EPHX3: variants seen among roughly 807,000 people sequenced by gnomAD.
The protein encoded by EPHX3 is epoxide hydrolase 3.
EPHX3 carries 39 observed loss-of-function variants against 40.2 expected under a neutral mutation model. The ratio of observed to expected loss-of-function variants is 0.97; its 90% CI spans 0.75 to 1.27. The LOEUF is 1.27. Among genes scored for constraint, EPHX3 ranks in the 50% most tolerant of loss-of-function variants. The probability of loss-of-function intolerance (pLI) is 0.00; values close to 1 mark genes in which losing one functional copy is unlikely to be tolerated. For synonymous variants in EPHX3, 213 were observed against 209.7 expected, an observed-to-expected ratio of 1.02 and a Z score of -0.14; for missense variants, 442 against 474.0, an observed-to-expected ratio of 0.93 and a Z score of 0.63.
intron 4 of EPHX3, among the ~76,000 whole-genome samples, chr19:15,228,549 C>T (rs1042567698): frequency 8.3e-5 from 9 of 108,576 alleles, no homozygotes; most frequent in Admixed American, 1.5e-4. Flanking sequence ...GACAGAGTCT[C>T]GCTCTGTCGC....
intron 4 of EPHX3, among the ~76,000 whole-genome samples, chr19:15,230,191 C>G (rs557466809): frequency 3.3e-5 from 5 of 152,052 alleles, no homozygotes; most frequent in Non-Finnish European, 5.9e-5. Flanking sequence ...ATTTTTGAGA[C>G]AGAGTCTCAC....
Position 15,232,019 on chromosome 19 carries a change from C to T in EPHX3, c.193G>A (p.Ala65Thr), listed in dbSNP as rs755453401. The change falls in exon 1 of 7, where the codon GCC (alanine) becomes ACC (threonine). Residue 65 changes from alanine to threonine, a missense_variant. Transcript: ENST00000221730. ...CCGRRRSASPACLSDPSLGEH... is the reference protein window; with the variant it reads ...CCGRRRSASPTCLSDPSLGEH... The stretch of plus-strand genomic sequence containing the variant: ...CCCAGCGAGGGGTCGCTCAGGCAGG[C>T]GGGGGACGCGCTCCGACGGCGCCCG... 2.5e-6 allele frequency: 4 copies of T among 1,598,938 alleles called. No individual in the cohort carries two copies. Among genetic ancestry groups the T allele is most frequent in the African/African-American group, 1.3e-5 (1 of 74,920 alleles).
At chr19:15,233,358 G>A (rs1196010306), upstream of EPHX3, 2 of 152,304 alleles carry the variant, frequency 1.3e-5, no homozygotes, top group Non-Finnish European at 2.9e-5. Flanking sequence ...CCACCCAGGG[G>A]CGCGCGACCC....
rs1341843231 is a variant in EPHX3 at position 15,227,788 on chromosome 19, G to A, written c.840C>T (p.Tyr280=). 6.2e-6 allele frequency: 10 copies of A among 1,613,896 alleles called. No homozygotes were observed. The highest frequency in any genetic ancestry group is 8.5e-6 in the Non-Finnish European group (10 of 1,180,008). ...QPGGLTGPLN[Y]YRNLFRNFPL... ...GGTCTCACCTGAAGAGGTTTCGGTA[G>A]TAGTTGAGGGGCCCAGTGAGGCCAC... The change falls in exon 6 of 7, where the codon TAC becomes TAT. Residue 280 remains tyrosine (Y), a synonymous_variant. Coordinates refer to ENST00000221730, the MANE Select transcript of EPHX3 (RefSeq NM_024794.3).
chr19:15,227,921 A>C lies in EPHX3; in HGVS notation c.721-14T>G, dbSNP rs1178824533. 1 of 1,614,046 alleles carries C rather than the reference A, an allele frequency of 6.2e-7. No individual in the cohort carries two copies. The highest frequency in any genetic ancestry group is 1.1e-5 in the South Asian group (1 of 91,076). On this transcript the variant is annotated splice_polypyrimidine_tract_variant and intron_variant, in intron 5 of 6. Coordinates refer to ENST00000221730, the MANE Select transcript of EPHX3 (RefSeq NM_024794.3). ...GGTCTTCAGAATCTAGGTACACAGC[A>C]GGACTCTGGCTTCAGTGCCCAGCCT... is the stretch of plus-strand genomic sequence containing the variant.
upstream of EPHX3, among the ~76,000 whole-genome samples, chr19:15,235,135 G>A (rs567312885): frequency 1.3e-5 from 2 of 152,118 alleles, no homozygotes; most frequent in South Asian, 2.1e-4. Flanking sequence ...CGGAGTAGCC[G>A]GGACTACAGG....
chr19:15,227,654 G>T lies in EPHX3; in HGVS notation c.866C>A (p.Pro289His), dbSNP rs755712358. Residue 289 changes from proline (P) to histidine (H), a missense_variant, in exon 7 of 7, where the codon CCC (proline) becomes CAC (histidine). Pro to His is a moderately conservative substitution (Grantham distance 77). Transcript: ENST00000221730. ...NYYRNLFRNF[P>H]LEPQELTTPT... The stretch of plus-strand genomic sequence containing the variant: ...TGTGGTCAGCTCCTGGGGTTCCAGG[G>T]GGAAGTTCCTGTGGCCAGGACAGAC... 4 of 1,613,898 alleles carry T rather than the reference G, an allele frequency of 2.5e-6. No individual in the cohort carries two copies. The African/African-American group carries it at 5.3e-5, about 22-fold the overall frequency.
Position 15,227,631 on chromosome 19 carries a change from T to C in EPHX3, c.889A>G (p.Thr297Ala). The part of the protein sequence containing the change: ...NFPLEPQELT[T>A]PTLLLWGEKD... Reference sequence around the variant, plus strand: ...TCCCCCCACAGCAGCAATGTGGGTGTGGTCAGCTCCTGGGGTTCCAGGGGG... The same window carrying C: ...TCCCCCCACAGCAGCAATGTGGGTGCGGTCAGCTCCTGGGGTTCCAGGGGG... Residue 297 changes from threonine to alanine, a missense_variant, in exon 7 of 7, where the codon ACA (threonine) becomes GCA (alanine). By Grantham distance (58) the Thr-to-Ala change is moderately conservative (BLOSUM62 0). Transcript: ENST00000221730. 1.2e-6 allele frequency: 2 copies of C among 1,614,022 alleles called. No individual in the cohort carries two copies. Among genetic ancestry groups the C allele is most frequent in the Non-Finnish European group, 1.7e-6 (2 of 1,180,004 alleles).
intron 1 of EPHX3, 22 bp downstream of exon 1, chr19:15,231,947 G>A (rs780515521): frequency 1.2e-6 from 2 of 1,612,536 alleles, no homozygotes; most frequent in Non-Finnish European, 1.7e-6. Context: ...CCGCAGCCCC[G>A]ATAGCGCCCC....
At chr19:15,233,077 G>A, upstream of EPHX3, 1 of 150,862 alleles carries the variant, frequency 6.6e-6, no homozygotes, top group Admixed American at 6.6e-5. Flanking sequence ...GTGGATCCTA[G>A]AGGAGGTGAG....
chr19:15,227,175 C>G lies in EPHX3; in HGVS notation c.*262G>C. 1 of 465,614 alleles carries G rather than the reference C, an allele frequency of 2.1e-6. No individual in the cohort carries two copies. Among genetic ancestry groups the G allele is most frequent in the Non-Finnish European group, 3.9e-6 (1 of 258,900 alleles). 28.8% of individuals were successfully genotyped at this position (465,614 alleles called of 1,614,324 possible). A position where few individuals can be genotyped will look rare whatever the true frequency, so the allele number is the denominator to read the frequency against. Reference sequence around the variant, plus strand: ...CACTCGGTCTCGGCATCTGGCTCCACTGGAAGAGAGGTATACCCAGTTCCC... The same window carrying G: ...CACTCGGTCTCGGCATCTGGCTCCAGTGGAAGAGAGGTATACCCAGTTCCC... On this transcript the variant is annotated 3_prime_UTR_variant, in exon 7 of 7. Coordinates refer to ENST00000221730, the MANE Select transcript of EPHX3 (RefSeq NM_024794.3).
rs1309980255 is a variant in EPHX3 at position 15,232,306 on chromosome 19, G to T, written c.-95C>A. The stretch of plus-strand genomic sequence containing the variant: ...AGGGCTCAGGGGCCCATCGCCCTTG[G>T]CCTGGGGCCCCTCCGTGCCGTCGGG... On this transcript the variant is annotated 5_prime_UTR_variant, in exon 1 of 7. Transcript: ENST00000221730. The T allele has an allele frequency of 1.4e-5, 20 of 1,389,146 alleles. No individual in the cohort carries two copies. Among genetic ancestry groups the T allele is most frequent in the Non-Finnish European group, 1.8e-5 (19 of 1,083,106 alleles). 86.1% of individuals were successfully genotyped at this position (1,389,146 alleles called of 1,614,324 possible).
Position 15,232,318 on chromosome 19 carries a change from TCC to T in EPHX3, c.-109_-108del. The stretch of plus-strand genomic sequence containing the variant: ...CCCATCGCCCTTGGCCTGGGGCCCC[TCC>T]GTGCCGTCGGGATTTGTGGGACGCG... On this transcript the variant is annotated 5_prime_UTR_variant, in exon 1 of 7. Coordinates refer to ENST00000221730, the MANE Select transcript of EPHX3 (RefSeq NM_024794.3). 1 of 1,380,544 alleles carries T rather than the reference TCC, an allele frequency of 7.2e-7. No homozygotes were observed. The highest frequency in any genetic ancestry group is 9.3e-7 in the Non-Finnish European group (1 of 1,077,554). The allele number at this position is 1,380,544 out of a possible 1,614,324, so 85.5% of individuals were successfully genotyped here. A position where few individuals can be genotyped will look rare whatever the true frequency, so the allele number is the denominator to read the frequency against.
At position 15,227,341 on chromosome 19, in the gene EPHX3, T is replaced by G; in HGVS notation, c.*96A>C. ...TATGAGCGATTCAAGAGTTCACCCA[T>G]GTATGGACATTGTATGGACTCCCAG... is the stretch of plus-strand genomic sequence containing the variant. On this transcript the variant is annotated 3_prime_UTR_variant, in exon 7 of 7. Transcript: ENST00000221730. 9.9e-7 allele frequency: 1 copy of G among 1,013,474 alleles called. No individual in the cohort carries two copies. Among genetic ancestry groups the G allele is most frequent in the Non-Finnish European group, 1.5e-6 (1 of 660,276 alleles). 62.8% of individuals were successfully genotyped at this position (1,013,474 alleles called of 1,614,324 possible).
rs560473668 is a variant in EPHX3, at chr19:15,227,674, A to ACAGACAGACAGG, written c.858-24_858-13dup. On this transcript the variant is annotated splice_polypyrimidine_tract_variant and intron_variant, in intron 6 of 6. Transcript: ENST00000221730. ...CCAGGGGGAAGTTCCTGTGGCCAGGACAGACAGACAGGCAGACAGACAGGC... is the reference window on the plus strand; with the variant it reads ...CCAGGGGGAAGTTCCTGTGGCCAGGACAGACAGACAGGCAGACAGACAGGCAGACAGACAGGC... The ACAGACAGACAGG allele has an allele frequency of 3.8e-5, 61 of 1,612,156 alleles. 1 individual carries two copies. In the African/African-American group the frequency reaches 6.1e-4, roughly 16 times the overall value.
chr19:15,234,539 A>C (rs1476189293), upstream of EPHX3, among the ~76,000 whole-genome samples: 1 of 152,136 alleles, frequency 6.6e-6, no homozygotes, highest in African/African-American at 2.4e-5. Context: ...TCCTGGCCTC[A>C]AGCAATCCTC....
chr19:15,228,119 G>A lies in EPHX3; in HGVS notation c.617-19C>T. On this transcript the variant is annotated intron_variant, in intron 4 of 6. Coordinates refer to ENST00000221730, the MANE Select transcript of EPHX3 (RefSeq NM_024794.3). ...GAATAGTCTGGGGTGGGAGGGTTGG[G>A]GGAGAGATATAAGGCCTGCTCCTGG... 2 of 1,248,490 alleles carry A rather than the reference G, an allele frequency of 1.6e-6. 1 individual carries two copies. Among genetic ancestry groups the A allele is most frequent in the Non-Finnish European group, 2.3e-6 (2 of 855,962 alleles). 77.3% of individuals were successfully genotyped at this position (1,248,490 alleles called of 1,614,324 possible).
rs1440709037 is a variant in EPHX3, at chr19:15,227,577, C to T, written c.943G>A (p.Val315Met). The T allele has an allele frequency of 6.2e-7, 1 of 1,614,118 alleles. No individual in the cohort carries two copies. Among genetic ancestry groups the T allele is most frequent in the South Asian group, 1.1e-5 (1 of 91,090 alleles). The change falls in exon 7 of 7, where the codon GTG becomes ATG. Residue 315 changes from valine to methionine, a missense_variant. Transcript: ENST00000221730. ...ACAAAGCGGCTGCCGATGGCTTCCACCAGCCCCAGCTCCAAGTAAGTGTCC... is the reference window on the plus strand; with the variant it reads ...ACAAAGCGGCTGCCGATGGCTTCCATCAGCCCCAGCTCCAAGTAAGTGTCC... The part of the protein sequence containing the change: ...EKDTYLELGL[V>M]EAIGSRFVPG...
At chr19:15,228,940 G>A (rs2047133025) in intron 4 of EPHX3, among the ~76,000 whole-genome samples, 1 of 151,016 alleles carries the variant, frequency 6.6e-6, no homozygotes, top group Admixed American at 6.6e-5. Flanking sequence ...GCAGTGAGCT[G>A]CAATTACAGC....
Sources: allele counts gnomAD v4.1 joint callset (sites outside exome capture counted in the v4.1 genomes callset), GRCh38; gene constraint gnomAD v4.1.1; transcripts MANE v1.5; gene names NCBI Gene and HGNC (gene_info 2026-07-23, HGNC 2026-07-21).